The following PPIP5K2 variants were observed in gnomAD, a reference collection of about 807,000 sequenced individuals.
The protein encoded by PPIP5K2 is inositol hexakisphosphate and diphosphoinositol-pentakisphosphate kinase 2.
A neutral mutation model predicts 154.6 loss-of-function variants in PPIP5K2; 105 were observed. That is an observed-to-expected ratio of 0.68 (90% CI 0.58 to 0.80). The LOEUF (loss-of-function observed/expected upper bound fraction) is 0.80. Among genes scored for constraint, PPIP5K2 ranks in the 30% least tolerant of loss-of-function variants. The pLI is 0.00. For synonymous variants in PPIP5K2, 480 were observed against 490.3 expected (o/e 0.98, Z 0.28); for missense variants, 992 against 1,504.6 (o/e 0.66, Z 5.64).
chr5:103,210,481 A>G lies in PPIP5K2; in HGVS notation c.*8847A>G, dbSNP rs1554232525. Reference sequence around the variant, plus strand: ...AAAGTTGTCTGCTCTAATGGATAGAATAAGGAGCTGGGAGAAAGGAGACCT... The same window carrying G: ...AAAGTTGTCTGCTCTAATGGATAGAGTAAGGAGCTGGGAGAAAGGAGACCT... On this transcript the variant is annotated 3_prime_UTR_variant, in exon 31 of 31. Coordinates refer to ENST00000358359, the MANE Select transcript of PPIP5K2 (RefSeq NM_001276277.3). 2 of 152,156 alleles carry G rather than the reference A, an allele frequency of 1.3e-5. No individual in the cohort carries two copies. Among genetic ancestry groups the G allele is most frequent in the Non-Finnish European group, 2.9e-5 (2 of 67,998 alleles). 9.4% of individuals were successfully genotyped at this position (152,156 alleles called of 1,614,324 possible). A position where few individuals can be genotyped will look rare whatever the true frequency, so the allele number is the denominator to read the frequency against.
At chr5:103,133,416 A>G (rs781977056) in intron 2 of PPIP5K2, 37 bp from the exon 3 acceptor site, 14 of 1,580,618 alleles carry the variant, frequency 8.9e-6, no homozygotes, top group Non-Finnish European at 1.1e-5. Flanking sequence ...GAGTTCATGT[A>G]AAGTTAACCC....
At chr5:103,164,925 G>A (rs1796909415) in intron 17 of PPIP5K2, among the ~76,000 whole-genome samples, 1 of 152,052 alleles carries the variant, frequency 6.6e-6, no homozygotes. Flanking sequence ...ACAGGATAGT[G>A]GTTTAGAGCA....
rs1218929392 is a variant in PPIP5K2, at chr5:103,187,368, C to A, written c.3344C>A (p.Pro1115Gln). The A allele has an allele frequency of 6.5e-7, 1 of 1,533,178 alleles. No individual in the cohort carries two copies. The highest frequency in any genetic ancestry group is 1.4e-5 in the African/African-American group (1 of 72,922). The allele number at this position is 1,533,178 out of a possible 1,614,324, so 95.0% of individuals were successfully genotyped here. Residue 1115 changes from proline (P) to glutamine (Q), a missense_variant, in exon 28 of 31, where the codon CCA (proline) becomes CAA (glutamine). Coordinates refer to ENST00000358359, the MANE Select transcript of PPIP5K2 (RefSeq NM_001276277.3). The part of the protein sequence containing the change: ...KRFSISFARH[P>Q]TNGFELYSMV... ...TTTTCTATCTCATTTGCTCGACACCCAACCAATGGTACGTTTTGCTTTTAT... is the reference window on the plus strand; with the variant it reads ...TTTTCTATCTCATTTGCTCGACACCAAACCAATGGTACGTTTTGCTTTTAT...
At chr5:103,145,746 G>C (rs1170654368) in intron 5 of PPIP5K2, among the ~76,000 whole-genome samples, 2 of 151,244 alleles carry the variant, frequency 1.3e-5, no homozygotes, top group African/African-American at 4.9e-5. Flanking sequence ...AAGGATGACG[G>C]GGATGAAGTG....
intron 17 of PPIP5K2, among the ~76,000 whole-genome samples, chr5:103,166,911 T>C (rs1162788469): frequency 6.6e-6 from 1 of 151,942 alleles, no homozygotes; most frequent in Non-Finnish European, 1.5e-5. Context: ...TTAGTCATGC[T>C]GTCTCAAGGG....
intron 30 of PPIP5K2, among the ~76,000 whole-genome samples, chr5:103,198,794 A>G (rs1337559820): frequency 6.6e-6 from 1 of 152,056 alleles, no homozygotes; most frequent in Non-Finnish European, 1.5e-5. Flanking sequence ...GTAATTGTTG[A>G]TATGTTGAGG....
intron 30 of PPIP5K2, among the ~76,000 whole-genome samples, chr5:103,197,876 C>T (rs1441234530): frequency 6.6e-6 from 1 of 151,404 alleles, no homozygotes; most frequent in Non-Finnish European, 1.5e-5. Context: ...CCGCACCCAG[C>T]CTTAAAACAC....
Position 103,136,888 on chromosome 5 carries a change from C to T in PPIP5K2, c.401+66C>T, listed in dbSNP as rs1168440938. The T allele has an allele frequency of 8.1e-6, 9 of 1,108,262 alleles. No homozygotes were observed. The South Asian group carries it at 1.1e-4, about 14-fold the overall frequency. The allele number at this position is 1,108,262 out of a possible 1,614,324, so 68.7% of individuals were successfully genotyped here. On this transcript the variant is annotated intron_variant, in intron 4 of 30. Transcript: ENST00000358359. Reference sequence around the variant, plus strand: ...ACATTAATTTAGTACCTACTGTACACTGACATGGCATCAGGTGTTTTTGCA... The same window carrying T: ...ACATTAATTTAGTACCTACTGTACATTGACATGGCATCAGGTGTTTTTGCA...
chr5:103,194,421 A>C (rs1318107668), intron 29 of PPIP5K2, among the ~76,000 whole-genome samples: 2 of 152,134 alleles, frequency 1.3e-5, no homozygotes, highest in Admixed American at 1.3e-4. Flanking sequence ...ACTAAATTAT[A>C]AGTAATAAAT....
intron 26 of PPIP5K2, 99 bp from the exon 27 acceptor site, chr5:103,186,221 T>TTA: frequency 6.7e-7 from 1 of 1,498,796 alleles, no homozygotes; most frequent in South Asian, 1.2e-5. Context: ...AAAGGTTGCC[T>TTA]TATATGTGGT....
intron 2 of PPIP5K2, among the ~76,000 whole-genome samples, chr5:103,130,721 T>C (rs1790474128): frequency 6.6e-6 from 1 of 152,156 alleles, no homozygotes; most frequent in Admixed American, 6.5e-5. Flanking sequence ...AGAAGTCCTA[T>C]AAGTAAAACA....
chr5:103,163,254 A>G (rs1326341338), intron 17 of PPIP5K2, among the ~76,000 whole-genome samples: 1 of 151,730 alleles, frequency 6.6e-6, no homozygotes, highest in East Asian at 1.9e-4. Flanking sequence ...TCATTTATTT[A>G]GATATTCTTT....
At position 103,203,615 on chromosome 5, in the gene PPIP5K2, G is replaced by A. The variant is rs1803304455; in HGVS notation, c.*1981G>A. The A allele has an allele frequency of 6.6e-6, 1 of 152,042 alleles. No individual in the cohort carries two copies. The highest frequency in any genetic ancestry group is 2.4e-5 in the African/African-American group (1 of 41,394). The allele number at this position is 152,042 out of a possible 1,614,324, so 9.4% of individuals were successfully genotyped here. On this transcript the variant is annotated 3_prime_UTR_variant, in exon 31 of 31. Coordinates refer to ENST00000358359, the MANE Select transcript of PPIP5K2 (RefSeq NM_001276277.3). ...TCCTGAGAAGATGTGGGATTTTTTG[G>A]TTTTAAATACTAGAAGATATTTCTT... is the stretch of plus-strand genomic sequence containing the variant.
intron 13 of PPIP5K2, 103 bp downstream of exon 13, chr5:103,155,046 A>T: frequency 1.7e-6 from 1 of 588,736 alleles, no homozygotes; most frequent in Non-Finnish European, 2.7e-6. Flanking sequence ...TGATCTTTTT[A>T]CTCTTTGTTA....
At position 103,155,912 on chromosome 5, in the gene PPIP5K2, T is replaced by G. The variant is rs1554213157; in HGVS notation, c.1407T>G (p.Tyr469Ter). ...LEQLKTVLEM[Y>*]GHFSGINRKV... The stretch of plus-strand genomic sequence containing the variant: ...TGTTTATCATTTTATTTTTCAGGTA[T>G]GGTCATTTTTCTGGAATAAATCGTA... Residue 469 changes from tyrosine (Y) to a stop codon, truncating the protein, a stop_gained, in exon 14 of 31, where the codon TAT becomes TAG. Coordinates refer to ENST00000358359, the MANE Select transcript of PPIP5K2 (RefSeq NM_001276277.3). LOFTEE classifies it high-confidence loss of function. 4 of 1,584,388 alleles carry G rather than the reference T, an allele frequency of 2.5e-6. No individual in the cohort carries two copies. The highest frequency in any genetic ancestry group is 3.5e-6 in the Non-Finnish European group (4 of 1,153,372).
intron 19 of PPIP5K2, among the ~76,000 whole-genome samples, chr5:103,170,649 A>T (rs962564331): frequency 6.7e-6 from 1 of 149,938 alleles, no homozygotes; most frequent in African/African-American, 2.5e-5. Context: ...ATTGTAAGAG[A>T]AACTTTGGAT....
chr5:103,178,062 A>G, intron 23 of PPIP5K2, 82 bp downstream of exon 23: 6 of 866,114 alleles, frequency 6.9e-6, no homozygotes, highest in Non-Finnish European at 7.4e-6. Flanking sequence ...TTTATAATGT[A>G]CTATAAATAA....
chr5:103,173,189 T>C lies in PPIP5K2; in HGVS notation c.2321T>C (p.Ile774Thr). 1.2e-6 allele frequency: 2 copies of C among 1,609,200 alleles called. No individual in the cohort carries two copies. The highest frequency in any genetic ancestry group is 1.7e-6 in the Non-Finnish European group (2 of 1,177,670). The stretch of plus-strand genomic sequence containing the variant: ...ATAACTAAAGCTGAAAAACTGGAGA[T>C]TGCCAAAGGCTACTGTACTCCTCTG... ...YGITKAEKLE[I>T]AKGYCTPLVR... Residue 774 changes from isoleucine to threonine, a missense_variant, in exon 20 of 31, where the codon ATT (isoleucine) becomes ACT (threonine). Physicochemically the swap from Ile to Thr is moderately conservative, Grantham distance 89 (BLOSUM62 -1). Around this residue, in one of 9 missense-constraint regions of PPIP5K2, gnomAD observed 157 missense variants for 281.2 expected, o/e 0.56. Coordinates refer to ENST00000358359, the MANE Select transcript of PPIP5K2 (RefSeq NM_001276277.3).
Position 103,151,462 on chromosome 5 carries a change from T to G in PPIP5K2, c.1028+88T>G. On this transcript the variant is annotated intron_variant, in intron 9 of 30. Transcript: ENST00000358359. ...GTTAACATTAAATGATCAGGGTTTT[T>G]AAGCATTCTAGAGTAAAGATCAGTG... 2.7e-6 allele frequency: 3 copies of G among 1,108,980 alleles called. No individual in the cohort carries two copies. The South Asian group carries it at 4.7e-5, about 17-fold the overall frequency. The allele number at this position is 1,108,980 out of a possible 1,614,324, so 68.7% of individuals were successfully genotyped here.
Sources: allele counts gnomAD v4.1 joint callset (sites outside exome capture counted in the v4.1 genomes callset), GRCh38; gene constraint gnomAD v4.1.1; regional missense constraint gnomAD v4.1.1; transcripts MANE v1.5; gene names NCBI Gene and HGNC (gene_info 2026-07-23, HGNC 2026-07-21).